PCDH15: variants seen among roughly 807,000 people sequenced by gnomAD.
The protein encoded by PCDH15 is protocadherin-15.
A neutral mutation model predicts 178.5 loss-of-function variants in PCDH15; 129 were observed. The ratio of observed to expected loss-of-function variants is 0.72; its 90% CI spans 0.63 to 0.84. The LOEUF (loss-of-function observed/expected upper bound fraction) is 0.84. Ranked by LOEUF, PCDH15 falls within the 40% of genes least tolerant of loss-of-function variation. The pLI is 0.00. For missense variants in PCDH15, 2,230 were observed against 2,099.9 expected (o/e 1.06, Z -1.21); for synonymous variants, 800 against 732.0 (o/e 1.09, Z -1.50).
chr10:54,352,792 A>G (rs1364978887), intron 5 of PCDH15, among the ~76,000 whole-genome samples: 4 of 152,190 alleles, frequency 2.6e-5, no homozygotes, highest in East Asian at 1.9e-4. Context: ...CCCAATCAAG[A>G]TAAGGCAACA....
chr10:54,468,514 C>T (rs2077680514), intron 3 of PCDH15, among the ~76,000 whole-genome samples: 1 of 151,792 alleles, frequency 6.6e-6, no homozygotes, highest in Non-Finnish European at 1.5e-5. Flanking sequence ...TGAGAAGATA[C>T]TTGGTATATT....
intron 2 of PCDH15, among the ~76,000 whole-genome samples, chr10:54,554,746 A>G (rs953069910): frequency 1.4e-4 from 21 of 152,212 alleles, no homozygotes; most frequent in African/African-American, 4.3e-4. Context: ...AAAGAGCCCT[A>G]AACCAAAATT....
chr10:54,538,519 G>C (rs567836080), intron 2 of PCDH15, among the ~76,000 whole-genome samples: 4 of 152,060 alleles, frequency 2.6e-5, no homozygotes, highest in Non-Finnish European at 4.4e-5. Flanking sequence ...TATAGCCTTA[G>C]AGTATAGTTT....
At chr10:55,595,913 C>A (rs1270111415) in intron 2 of PCDH15, among the ~76,000 whole-genome samples, 2 of 151,916 alleles carry the variant, frequency 1.3e-5, no homozygotes, top group Non-Finnish European at 2.9e-5. Flanking sequence ...TTATAGTGCC[C>A]ATTTAAGAAC....
intron 8 of PCDH15, among the ~76,000 whole-genome samples, chr10:54,314,653 C>CG (rs1256549404): frequency 1.3e-5 from 2 of 151,992 alleles, no homozygotes; most frequent in African/African-American, 4.8e-5. Flanking sequence ...GCCCAGTACC[C>CG]AATAGTCATC....
chr10:54,624,160 T>C (rs558129785), intron 2 of PCDH15, among the ~76,000 whole-genome samples: 4 of 152,248 alleles, frequency 2.6e-5, no homozygotes, highest in African/African-American at 9.6e-5. Flanking sequence ...GAAGTACTTA[T>C]ACACGTGTTT....
At chr10:54,570,552 T>C (rs1431318041) in intron 2 of PCDH15, among the ~76,000 whole-genome samples, 4 of 152,144 alleles carry the variant, frequency 2.6e-5, no homozygotes, top group Admixed American at 2.6e-4. Context: ...ATTGGATTTC[T>C]ATTTTTTAAA....
intron 2 of PCDH15, among the ~76,000 whole-genome samples, chr10:54,908,477 C>T (rs541312788): frequency 2.6e-5 from 4 of 152,236 alleles, no homozygotes; most frequent in African/African-American, 7.2e-5. Flanking sequence ...GTCTGGGGCC[C>T]CACAAGGCCA....
chr10:54,354,016 G>T lies in PCDH15; in HGVS notation c.475-7532C>A, dbSNP rs548474993. 7.9e-5 allele frequency among the ~76,000 whole-genome samples: 12 copies of T among 151,878 alleles called. No homozygotes were observed. The South Asian group carries it at 2.5e-3, about 32-fold the overall frequency. ...ATTTATTTTTGAGATGACGAGTTTC[G>T]CTCTTGTTGGCCAGGCTGGAGTGCA... On this transcript the variant is annotated intron_variant, in intron 5 of 37. Coordinates refer to ENST00000644397, the MANE Select transcript of PCDH15 (RefSeq NM_001384140.1).
Position 54,375,880 on chromosome 10 carries a change from A to AATATATATATAG in PCDH15, c.318+2901_318+2902insCTATATATATAT, listed in dbSNP as rs1438577167. 6.3e-3 allele frequency among the ~76,000 whole-genome samples: 816 copies of AATATATATATAG among 129,492 alleles called. 21 individuals carry two copies. The highest frequency in any genetic ancestry group is 0.024 in the African/African-American group (778 of 32,882). The allele number at this position is 129,492 out of a possible 152,430, so 85.0% of individuals were successfully genotyped here. On this transcript the variant is annotated intron_variant, in intron 4 of 37. Coordinates refer to ENST00000644397, the MANE Select transcript of PCDH15 (RefSeq NM_001384140.1). ...AAATAAAAATATATTTTTGAAACGG[A>AATATATATATAG]ATATATATATATATATAATTTTTTT...
At chr10:54,391,751 A>G (rs1256660624) in intron 3 of PCDH15, among the ~76,000 whole-genome samples, 5 of 152,178 alleles carry the variant, frequency 3.3e-5, no homozygotes, top group East Asian at 1.9e-4. Context: ...GTGGAAGCCA[A>G]CTGAATGTCA....
intron 29 of PCDH15, 122 bp from the exon 30 acceptor site, chr10:53,831,655 G>A (rs1044723039): frequency 5.3e-5 from 37 of 704,500 alleles, no homozygotes; most frequent in Non-Finnish European, 8.3e-5. Context: ...TGAGTCAGAA[G>A]TCTCATGAAT....
intron 2 of PCDH15, among the ~76,000 whole-genome samples, chr10:54,924,753 A>C (rs1043271706): frequency 1.1e-4 from 17 of 152,150 alleles, no homozygotes; most frequent in African/African-American, 4.1e-4. Context: ...TCTTTTAAAA[A>C]GTGTCTGTTC....
chr10:54,756,056 A>AACACACACACACACACACAC (rs71014414), intron 1 of PCDH15, among the ~76,000 whole-genome samples: 66 of 71,716 alleles, frequency 9.2e-4, no homozygotes, highest in Admixed American at 3.5e-3. Flanking sequence ...CTCTACTAAA[A>AACACACACACACACACACAC]ACACACACAC....
At chr10:54,387,585 A>G (rs923445416) in intron 3 of PCDH15, among the ~76,000 whole-genome samples, 1 of 152,160 alleles carries the variant, frequency 6.6e-6, no homozygotes, top group Non-Finnish European at 1.5e-5. Flanking sequence ...AAATTTACCA[A>G]ATGATCTTCA....
At chr10:55,282,865 T>C (rs1202401074) in intron 1 of PCDH15, among the ~76,000 whole-genome samples, 1 of 152,162 alleles carries the variant, frequency 6.6e-6, no homozygotes, top group Non-Finnish European at 1.5e-5. Flanking sequence ...AGACCTGACC[T>C]AACCAACCCC....
chr10:54,873,648 TTGAGG>T, intron 3 of PCDH15, among the ~76,000 whole-genome samples: 1 of 146,476 alleles, frequency 6.8e-6, no homozygotes, highest in Non-Finnish European at 1.5e-5. Context: ...CCAAATTACC[TTGAGG>T]TGATAGTTTT....
rs529786072 is a variant in PCDH15, at chr10:54,431,234, A to G, written c.158-52292T>C. On this transcript the variant is annotated intron_variant, in intron 3 of 37. Transcript: ENST00000644397. ...ACTATTCTGAAAAATAAAACAAGAC[A>G]GAATACTTCAAAACTCATTCTATGA... 2.0e-5 allele frequency among the ~76,000 whole-genome samples: 3 copies of G among 152,284 alleles called. No homozygotes were observed. The East Asian group carries it at 5.8e-4, about 29-fold the overall frequency.
At chr10:55,108,147 G>A (rs1051153837) in intron 2 of PCDH15, among the ~76,000 whole-genome samples, 1 of 152,098 alleles carries the variant, frequency 6.6e-6, no homozygotes, top group African/African-American at 2.4e-5. Flanking sequence ...CAAAATTGCT[G>A]ATACTCTGAT....
Sources: gnomAD v4.1 joint callset for allele counts (sites outside exome capture counted in the v4.1 genomes callset) on GRCh38, gnomAD v4.1.1 for gene constraint, MANE v1.5 for transcripts, NCBI Gene and HGNC (gene_info 2026-07-23, HGNC 2026-07-21) for gene names.